QRICH2: variants seen among roughly 807,000 people sequenced by gnomAD.
QRICH2 encodes glutamine rich 2.
A neutral mutation model predicts 168.3 loss-of-function variants in QRICH2; 119 were observed. The observed-to-expected ratio is 0.71, with a 90% CI of 0.61 to 0.82. The LOEUF is 0.82. Ranked by LOEUF, QRICH2 falls within the 40% of genes least tolerant of loss-of-function variation. The pLI is 0.00. For synonymous variants in QRICH2, 894 were observed against 951.2 expected (o/e 0.94, Z 1.11); for missense variants, 2,241 against 2,491.6 (o/e 0.90, Z 2.14).
At position 76,308,084 on chromosome 17, in the gene QRICH2, G is replaced by C. The variant is rs913591254; in HGVS notation, c.-86C>G. On this transcript the variant is annotated 5_prime_UTR_variant, in exon 1 of 19. Transcript: ENST00000680821. ...CACGCCGCGCCTTGGGGCCTTTCGG[G>C]GGCCCTGCGAGGTCCTCGGGGCGCC... 3.6e-5 allele frequency: 44 copies of C among 1,226,790 alleles called. No homozygotes were observed. In the Admixed American group the frequency reaches 5.1e-4, roughly 14 times the overall value. 76.0% of individuals were successfully genotyped at this position (1,226,790 alleles called of 1,614,324 possible). A position where few individuals can be genotyped will look rare whatever the true frequency, so the allele number is the denominator to read the frequency against.
rs760270586 is a variant in QRICH2, at chr17:76,278,021, G to A, written c.5085C>T (p.His1695=). ...AGCAGGGGGAGCCCAGGCACTGGGCGTGCAGCAGCTCGCGGATTATCTGGC... is the reference window on the plus strand; with the variant it reads ...AGCAGGGGGAGCCCAGGCACTGGGCATGCAGCAGCTCGCGGATTATCTGGC... ...ASSQIIRELL[H]AQCLGSPCYK... is the part of the protein sequence containing the mutation. Residue 1695 remains histidine, a synonymous_variant, in exon 15 of 19, where the codon CAC becomes CAT. Coordinates refer to ENST00000680821, the MANE Select transcript of QRICH2 (RefSeq NM_001388453.1). 49 of 1,613,172 alleles carry A rather than the reference G, an allele frequency of 3.0e-5. No individual in the cohort carries two copies. Among genetic ancestry groups the A allele is most frequent in the East Asian group, 4.5e-5 (2 of 44,906 alleles).
Position 76,280,508 on chromosome 17 carries a change from A to C in QRICH2, c.4462-57T>G, listed in dbSNP as rs1029158507. On this transcript the variant is annotated intron_variant, in intron 10 of 18. Coordinates refer to ENST00000680821, the MANE Select transcript of QRICH2 (RefSeq NM_001388453.1). This position sits in a 1 kb window ranked among gnomAD's most constrained non-coding sequence, Gnocchi z 7.4. ...TGGGAGATGGCCATGGAGGGGCCCC[A>C]TTCCCTGGGGGTGTCGACCCCTATC... is the stretch of plus-strand genomic sequence containing the variant. 6 of 1,602,072 alleles carry C rather than the reference A, an allele frequency of 3.7e-6. No individual in the cohort carries two copies. In the African/African-American group the frequency reaches 4.0e-5, roughly 11 times the overall value.
rs1415536238 is a variant in QRICH2, at chr17:76,280,185, T to G, written c.4627-31A>C. ...GCGGGGAAAGAGGGGCCAGGGGACC[T>G]CTAAGGAAGCAGGTAGGGGGCTGAC... On this transcript the variant is annotated intron_variant, in intron 11 of 18. Transcript: ENST00000680821. The surrounding 1 kb of genome is among the most constrained non-coding windows in gnomAD (Gnocchi z 7.4). The G allele has an allele frequency of 6.2e-7, 1 of 1,610,042 alleles. No homozygotes were observed. The highest frequency in any genetic ancestry group is 1.7e-5 in the Admixed American group (1 of 59,738).
intron 14 of QRICH2, 125 bp from the exon 15 acceptor site, chr17:76,278,314 G>C: frequency 1.1e-6 from 1 of 879,292 alleles, no homozygotes; most frequent in Non-Finnish European, 1.8e-6. Flanking sequence ...GGGTCGCTGG[G>C]CAGCTTGACC....
At chr17:76,277,660 GCA>G (rs375888219) in intron 15 of QRICH2, among the ~76,000 whole-genome samples, 62 of 150,782 alleles carry the variant, frequency 4.1e-4, no homozygotes, top group African/African-American at 9.0e-4. Context: ...TCATACACAT[GCA>G]CACACACACA....
rs759293198 is a variant in QRICH2, at chr17:76,291,360, G to A, written c.3367C>T (p.Gln1123Ter). The change falls in exon 4 of 19, where the codon CAG (glutamine) becomes TAG (stop). Residue 1123 changes from glutamine to a stop codon, truncating the protein, a stop_gained. Transcript: ENST00000680821. LOFTEE classifies it high-confidence loss of function. ...YRGPGYLSAD[Q>*]HGQEGLDPNR... ...GGATCCAAACCTTCCTGGCCATGCT[G>A]ATCAGCACTTAGATACCCTGGGCCA... The A allele has an allele frequency of 1.3e-5, 21 of 1,613,988 alleles. No homozygotes were observed. The highest frequency in any genetic ancestry group is 1.8e-5 in the Non-Finnish European group (21 of 1,180,020).
In QRICH2 at chr17:76,280,025, G is replaced by A. The variant is rs1017919970; in HGVS notation, c.4748+8C>T. The A allele has an allele frequency of 1.3e-5, 21 of 1,603,234 alleles. No individual in the cohort carries two copies. Among genetic ancestry groups the A allele is most frequent in the Non-Finnish European group, 1.7e-5 (20 of 1,174,592 alleles). ...TGCCAGCCTCCTCCCCTGCCTCCCA[G>A]GCCTCACCTCCGCATGGCAGCCGCC... On this transcript the variant is annotated splice_region_variant and intron_variant, in intron 12 of 18. Transcript: ENST00000680821. The surrounding 1 kb of genome is among the most constrained non-coding windows in gnomAD (Gnocchi z 7.4).
rs2070740760 is a variant in QRICH2, at chr17:76,279,088, G to T, written c.4869C>A (p.Arg1623=). 6.2e-7 allele frequency: 1 copy of T among 1,613,938 alleles called. No individual in the cohort carries two copies. The highest frequency in any genetic ancestry group is 1.3e-5 in the African/African-American group (1 of 75,066). ...GPGLPGHHSI[R]PYTVFELEQV... ...GCTCCAGTTCAAACACCGTGTAGGG[G>T]CGGATGGAATGGTGCCCAGGTAGGC... Residue 1623 remains arginine, a synonymous_variant, in exon 14 of 19, where the codon CGC becomes CGA. Transcript: ENST00000680821.
At chr17:76,296,258 G>A (rs2070791761) in intron 3 of QRICH2, among the ~76,000 whole-genome samples, 2 of 152,056 alleles carry the variant, frequency 1.3e-5, no homozygotes, top group Non-Finnish European at 2.9e-5. Context: ...GCTATGAAAC[G>A]GTGGTTTCCT....
chr17:76,277,983 C>A lies in QRICH2; in HGVS notation c.5117+6G>T. On this transcript the variant is annotated splice_donor_region_variant and intron_variant, in intron 15 of 18. Transcript: ENST00000680821. ...GCTCCCATGGCCTCGCCCGCCTCTC[C>A]TGTACCGTTTGTAGCAGGGGGAGCC... is the stretch of plus-strand genomic sequence containing the variant. 6.2e-7 allele frequency: 1 copy of A among 1,609,930 alleles called. No individual in the cohort carries two copies. The highest frequency in any genetic ancestry group is 8.5e-7 in the Non-Finnish European group (1 of 1,179,986).
chr17:76,306,162 G>A (rs111927132), intron 1 of QRICH2, among the ~76,000 whole-genome samples: 1 of 94,326 alleles, frequency 1.1e-5, no homozygotes, highest in African/African-American at 4.5e-5. Flanking sequence ...GAGTGAGAAT[G>A]TGTCTCAAAA....
At chr17:76,282,637 G>T (rs544089245) in intron 7 of QRICH2, among the ~76,000 whole-genome samples, 3 of 152,344 alleles carry the variant, frequency 2.0e-5, no homozygotes, top group Admixed American at 6.5e-5. Context: ...CCTCTCCAAG[G>T]CTGGGCGGTG....
chr17:76,284,811 C>T (rs1389221314), intron 7 of QRICH2, among the ~76,000 whole-genome samples: 11 of 149,492 alleles, frequency 7.4e-5, no homozygotes, highest in South Asian at 2.1e-4. Flanking sequence ...AGTGAGACTC[C>T]GTCTCAAAGA....
Position 76,274,159 on chromosome 17 carries a change from G to A in QRICH2, c.5584C>T (p.Leu1862=). The A allele has an allele frequency of 6.3e-7, 1 of 1,583,522 alleles. No individual in the cohort carries two copies. Among genetic ancestry groups the A allele is most frequent in the Non-Finnish European group, 8.5e-7 (1 of 1,170,368 alleles). ...PSSAAVANRG[L]ERHVDMPPGE... is the part of the protein sequence containing the mutation. ...GGAGGCATGTCCACGTGCCTCTCCA[G>A]CCCCCTGTTTGCCACCGCGGCGGAG... is the stretch of plus-strand genomic sequence containing the variant. The change falls in exon 19 of 19, where the codon CTG becomes TTG. Residue 1862 remains leucine (L), a synonymous_variant. Transcript: ENST00000680821.
In QRICH2 at chr17:76,290,003, C is replaced by A; in HGVS notation, c.3787G>T (p.Glu1263Ter). The A allele has an allele frequency of 6.2e-7, 1 of 1,609,004 alleles. No individual in the cohort carries two copies. Among genetic ancestry groups the A allele is most frequent in the South Asian group, 1.1e-5 (1 of 90,866 alleles). ...TGACTCTTCCTTACTTTTGCTTTCT[C>A]CTGCCAAACTTCTTTGGCTAGCGTC... ...VKTLAKEVWQ[E>*]KAKVERLQRI... Residue 1263 changes from glutamate (E) to a stop codon, truncating the protein, a stop_gained, in exon 5 of 19, where the codon GAG becomes TAG. Transcript: ENST00000680821. LOFTEE classifies it high-confidence loss of function.
chr17:76,307,554 CCGGCCACTCTAGCG>C lies in QRICH2; in HGVS notation c.431_444del (p.Ala144GlyfsTer12). The C allele has an allele frequency of 6.3e-7, 1 of 1,590,480 alleles. No individual in the cohort carries two copies. Among genetic ancestry groups the C allele is most frequent in the Non-Finnish European group, 8.6e-7 (1 of 1,168,984 alleles). On this transcript the variant is annotated frameshift_variant, in exon 1 of 19. Coordinates refer to ENST00000680821, the MANE Select transcript of QRICH2 (RefSeq NM_001388453.1). LOFTEE classifies it high-confidence loss of function. This position sits in a 1 kb window ranked among gnomAD's most constrained non-coding sequence, Gnocchi z 5.3. ...GCCCGCACGCCCACCTCCTGCTCCT[CCGGCCACTCTAGCG>C]CGGCCAGGTCAAGCCCGCTGGCCTG...
intron 14 of QRICH2, among the ~76,000 whole-genome samples, chr17:76,278,716 C>T (rs990016566): frequency 3.3e-5 from 5 of 152,238 alleles, no homozygotes; most frequent in Non-Finnish European, 5.9e-5. Flanking sequence ...CTGAGACAGC[C>T]GAAGGCTGAG....
In QRICH2 at chr17:76,290,066, T is replaced by C. The variant is rs1374046738; in HGVS notation, c.3724A>G (p.Ile1242Val). Residue 1242 changes from isoleucine (I) to valine (V), a missense_variant, in exon 5 of 19, where the codon ATA becomes GTA. By Grantham distance (29) the Ile-to-Val change is conservative. Around this residue, in one of 3 missense-constraint regions of QRICH2, gnomAD observed 2,047 missense variants for 2,303.8 expected, o/e 0.89. Transcript: ENST00000680821. ...FLLAQMVKRT[I>V]PPELQEQLKT... Reference sequence around the variant, plus strand: ...AGCTGCTCCTGCAGTTCAGGAGGTATGGTCCTTTTGACTATGGAAAGCAGA... The same window carrying C: ...AGCTGCTCCTGCAGTTCAGGAGGTACGGTCCTTTTGACTATGGAAAGCAGA... The C allele has an allele frequency of 1.9e-6, 3 of 1,611,642 alleles. No individual in the cohort carries two copies. Among genetic ancestry groups the C allele is most frequent in the African/African-American group, 1.3e-5 (1 of 74,814 alleles).
chr17:76,309,053 AAATT>A (rs1164465201), upstream of QRICH2, among the ~76,000 whole-genome samples: 3 of 148,120 alleles, frequency 2.0e-5, no homozygotes, highest in Non-Finnish European at 4.5e-5. Flanking sequence ...AGCCTGCCAT[AAATT>A]AATTGATCTC....
Sources: gnomAD v4.1 joint callset for allele counts (sites outside exome capture counted in the v4.1 genomes callset) on GRCh38, gnomAD v4.1.1 for gene constraint, gnomAD v4.1.1 regional missense constraint, Gnocchi (gnomAD v3.1) non-coding constraint, MANE v1.5 for transcripts, NCBI Gene and HGNC (gene_info 2026-07-23, HGNC 2026-07-21) for gene names.